Variants in UGT2B7 observed in about 807,000 individuals in gnomAD.
UGT2B7 encodes the protein UDP-glucuronosyltransferase 2B7.
Under a neutral mutation model 51.9 loss-of-function variants are expected in UGT2B7, and 51 were observed. The observed-to-expected ratio is 0.98, with a 90% CI of 0.78 to 1.24. The LOEUF (loss-of-function observed/expected upper bound fraction) is 1.24, where lower values mean the gene tolerates loss of function less well. Among genes scored for constraint, UGT2B7 ranks in the 50% most tolerant of loss-of-function variants. The pLI is 0.00. For synonymous variants in UGT2B7, 225 were observed against 211.6 expected (o/e 1.06, Z -0.55); for missense variants, 727 against 628.4 (o/e 1.16, Z -1.68).
At chr4:69,056,912 C>A (rs1018216779) in intron 1 of UGT2B7, among the ~76,000 whole-genome samples, 4 of 152,146 alleles carry the variant, frequency 2.6e-5, no homozygotes, top group African/African-American at 9.7e-5. Flanking sequence ...ATCCTCAGTA[C>A]CTGTTTTAAG....
rs1479816422 is a variant in UGT2B7 at position 69,065,534 on chromosome 4, TA to T, written c.-159+13935del. The stretch of plus-strand genomic sequence containing the variant: ...ACATATAAATCATTTCCAGTGGTAG[TA>T]AATGTGCTAATATTCTCGATATATG... On this transcript the variant is annotated intron_variant, in intron 1 of 5. Transcript: ENST00000502942. Among the ~76,000 whole-genome samples the T allele has an allele frequency of 2.6e-5, 4 of 152,344 alleles. No homozygotes were observed. The East Asian group carries it at 7.7e-4, about 29-fold the overall frequency.
intron 5 of UGT2B7, among the ~76,000 whole-genome samples, chr4:69,108,797 C>T (rs1719688311): frequency 6.6e-6 from 1 of 151,984 alleles, no homozygotes; most frequent in South Asian, 2.1e-4. Flanking sequence ...GTTATAAAAT[C>T]CAAATATATT....
rs1329147748 is a variant in UGT2B7, at chr4:69,064,125, A to AAAGGAAGG, written c.-159+12526_-159+12527insGAAGGAAG. ...AAGAAAGAAAGAAAAAGAAAGAAAG[A>AAAGGAAGG]AAGAAAGAAAGAAAAACAAAATTAA... On this transcript the variant is annotated intron_variant, in intron 1 of 5. Coordinates refer to the UGT2B7 transcript ENST00000502942. Among the ~76,000 whole-genome samples the AAAGGAAGG allele has an allele frequency of 4.3e-3, 624 of 143,788 alleles. 2 individuals carry two copies. Among genetic ancestry groups the AAAGGAAGG allele is most frequent in the Admixed American group, 7.0e-3 (99 of 14,230 alleles). The allele number at this position is 143,788 out of a possible 152,430, so 94.3% of individuals were successfully genotyped here.
At chr4:69,062,435 C>T (rs977413561) in intron 1 of UGT2B7, among the ~76,000 whole-genome samples, 6 of 152,172 alleles carry the variant, frequency 3.9e-5, no homozygotes, top group Non-Finnish European at 8.8e-5. Flanking sequence ...CCCAGTACAC[C>T]CTTTCAAACC....
intron 1 of UGT2B7, among the ~76,000 whole-genome samples, chr4:69,078,744 G>C (rs1718771529): frequency 6.6e-6 from 1 of 152,134 alleles, no homozygotes. Context: ...ATGAAAGTGA[G>C]AACGCTAGGT....
intron 1 of UGT2B7, chr4:69,066,273 TAA>T (rs1272818810): frequency 6.6e-6 from 1 of 152,184 alleles, no homozygotes; most frequent in Non-Finnish European, 1.5e-5. Context: ...ACACAGGTGT[TAA>T]GCCTAATACC....
chr4:69,068,637 A>C (rs4694596), intron 1 of UGT2B7, among the ~76,000 whole-genome samples: 92,748 of 151,314 alleles, frequency 0.61, 29,920 homozygotes, highest in African/African-American at 0.81. Context: ...TGTCTTGGTT[A>C]TTTGTGTTAT....
At chr4:69,069,658 A>C (rs1718559703) in intron 1 of UGT2B7, 1 of 149,244 alleles carries the variant, frequency 6.7e-6, no homozygotes, top group Non-Finnish European at 1.5e-5. Flanking sequence ...AAAAAATGTA[A>C]TGTAGTTATC....
intron 1 of UGT2B7, among the ~76,000 whole-genome samples, chr4:69,064,383 T>G (rs1360615144): frequency 6.6e-6 from 1 of 152,188 alleles, no homozygotes; most frequent in Non-Finnish European, 1.5e-5. Context: ...ACTAGTAACT[T>G]CAAGTATTCT....
intron 2 of UGT2B7, 38 bp downstream of exon 2, chr4:69,098,726 G>T: frequency 6.3e-7 from 1 of 1,598,382 alleles, no homozygotes; most frequent in Non-Finnish European, 8.5e-7. Flanking sequence ...TGTTGGCTTT[G>T]AATTTTCAGT....
intron 1 of UGT2B7, among the ~76,000 whole-genome samples, chr4:69,069,102 TAA>T (rs372073567): frequency 6.1e-4 from 85 of 140,384 alleles, no homozygotes; most frequent in African/African-American, 1.0e-3. Context: ...ACAGATACTT[TAA>T]AAAAAAAAAA....
At chr4:69,074,858 A>T (rs1427896419) in intron 1 of UGT2B7, among the ~76,000 whole-genome samples, 1 of 152,096 alleles carries the variant, frequency 6.6e-6, no homozygotes, top group Non-Finnish European at 1.5e-5. Flanking sequence ...TTCATTTTAT[A>T]CTAGGCTGTA....
At chr4:69,094,514 TAA>T (rs974048404), upstream of UGT2B7, among the ~76,000 whole-genome samples, 22 of 152,218 alleles carry the variant, frequency 1.4e-4, no homozygotes, top group African/African-American at 3.9e-4. Context: ...GCAATAATAT[TAA>T]GTCTAAAAAA....
chr4:69,081,337 G>T (rs1281744225), intron 1 of UGT2B7, among the ~76,000 whole-genome samples: 1 of 141,854 alleles, frequency 7.0e-6, no homozygotes, highest in Non-Finnish European at 1.5e-5. Flanking sequence ...CTCATACTTG[G>T]TTTCCTAATA....
intron 1 of UGT2B7, among the ~76,000 whole-genome samples, chr4:69,073,564 C>A (rs779413528): frequency 3.3e-5 from 5 of 152,062 alleles, no homozygotes; most frequent in Non-Finnish European, 7.4e-5. Flanking sequence ...GAATAATCCT[C>A]GGTCAAATAA....
At chr4:69,072,256 C>T (rs1718617991) in intron 1 of UGT2B7, among the ~76,000 whole-genome samples, 1 of 152,038 alleles carries the variant, frequency 6.6e-6, no homozygotes, top group Non-Finnish European at 1.5e-5. Flanking sequence ...CAGCAGTTAA[C>T]AAAATTTAAA....
intron 1 of UGT2B7, among the ~76,000 whole-genome samples, chr4:69,072,914 C>G (rs1021393457): frequency 3.9e-5 from 6 of 152,078 alleles, no homozygotes; most frequent in Non-Finnish European, 8.8e-5. Flanking sequence ...GACACTGAAT[C>G]TTGGCAAAAT....
chr4:69,069,968 G>C (rs534520756), intron 1 of UGT2B7: 2 of 152,028 alleles, frequency 1.3e-5, no homozygotes, highest in African/African-American at 2.4e-5. Context: ...TCAAGGTATG[G>C]AGTAAATTCT....
chr4:69,058,664 A>G (rs1476748919), intron 1 of UGT2B7, among the ~76,000 whole-genome samples: 1 of 151,454 alleles, frequency 6.6e-6, no homozygotes, highest in East Asian at 1.9e-4. Flanking sequence ...GCCCAGGGGG[A>G]TATCAGGCAA....
Sources: allele counts gnomAD v4.1 joint callset (sites outside exome capture counted in the v4.1 genomes callset), GRCh38; gene constraint gnomAD v4.1.1; transcripts MANE v1.5; gene names NCBI Gene and HGNC (gene_info 2026-07-23, HGNC 2026-07-21).